MTNAP1: variants seen among roughly 807,000 people sequenced by gnomAD.
MTNAP1 encodes mitochondrial nucleoid-associated protein 1.
chr17:73,241,833 G>A, the MTNAP1 span, among the ~76,000 whole-genome samples: 10 of 152,158 alleles, frequency 6.6e-5, no homozygotes, highest in African/African-American at 2.4e-4. Context: ...GGAGGCTGAG[G>A]CAGGAGAATC....
the MTNAP1 span, chr17:73,242,918 C>CA: frequency 6.2e-7 from 1 of 1,613,832 alleles, no homozygotes; most frequent in Non-Finnish European, 8.5e-7. Flanking sequence ...GCAACACCAC[C>CA]ATAAGGAAGA....
the MTNAP1 span, among the ~76,000 whole-genome samples, chr17:73,241,683 A>C: frequency 2.0e-5 from 3 of 152,100 alleles, no homozygotes; most frequent in African/African-American, 7.2e-5. Flanking sequence ...TAATCCCAGC[A>C]GTTTGGGAGG....
chr17:73,232,444 T>G, the MTNAP1 span: 1 of 979,484 alleles, frequency 1.0e-6, no homozygotes, highest in African/African-American at 1.7e-5. Context: ...AGAAAGGACC[T>G]CCCCTGGGGT....
the MTNAP1 span, among the ~76,000 whole-genome samples, chr17:73,234,663 CAG>C: frequency 8.9e-5 from 11 of 123,884 alleles, no homozygotes; most frequent in Non-Finnish European, 1.4e-4. Flanking sequence ...GGCCTGGTGA[CAG>C]AGTGAGACTC....
the MTNAP1 span, among the ~76,000 whole-genome samples, chr17:73,239,622 G>T: frequency 6.6e-6 from 1 of 150,602 alleles, no homozygotes; most frequent in Non-Finnish European, 1.5e-5. Flanking sequence ...AGGTTCAAGC[G>T]ATTCTCCTGC....
chr17:73,241,112 A>G, the MTNAP1 span, among the ~76,000 whole-genome samples: 2 of 152,236 alleles, frequency 1.3e-5, no homozygotes, highest in African/African-American at 2.4e-5. Context: ...GTCATAAAAC[A>G]TGGAGAAAAC....
the MTNAP1 span, among the ~76,000 whole-genome samples, chr17:73,246,884 T>C: frequency 6.6e-6 from 1 of 152,202 alleles, no homozygotes; most frequent in Non-Finnish European, 1.5e-5. Flanking sequence ...GCCCATTCTC[T>C]GTGAATGCTC....
At chr17:73,238,801 A>C in the MTNAP1 span, among the ~76,000 whole-genome samples, 1 of 152,200 alleles carries the variant, frequency 6.6e-6, no homozygotes, top group Non-Finnish European at 1.5e-5. Context: ...TGTTGCCAAT[A>C]AATAGTAGAG....
chr17:73,242,928 A>G, the MTNAP1 span: 1 of 1,613,948 alleles, frequency 6.2e-7, no homozygotes, highest in Non-Finnish European at 8.5e-7. Context: ...CATAAGGAAG[A>G]GTGGATTCGG....
At chr17:73,235,426 G>A in the MTNAP1 span, 14 of 1,405,874 alleles carry the variant, frequency 1.0e-5, no homozygotes, top group Non-Finnish European at 1.4e-5. Flanking sequence ...GTAAAATATT[G>A]GTATGTACAA....
the MTNAP1 span, chr17:73,236,134 G>A: frequency 6.2e-7 from 1 of 1,614,186 alleles, no homozygotes; most frequent in Non-Finnish European, 8.5e-7. Context: ...GGAACTTCTA[G>A]TAAAATTACT....
At chr17:73,238,418 TTTC>T in the MTNAP1 span, among the ~76,000 whole-genome samples, 1 of 152,300 alleles carries the variant, frequency 6.6e-6, no homozygotes, top group African/African-American at 2.4e-5. Context: ...GGGAAATCAT[TTTC>T]TTCTCTGGTA....
the MTNAP1 span, among the ~76,000 whole-genome samples, chr17:73,235,221 AAAAT>A: frequency 8.5e-5 from 13 of 152,086 alleles, no homozygotes; most frequent in African/African-American, 1.7e-4. Context: ...CTCTGTTTCC[AAAAT>A]AAATAAATAA....
At chr17:73,236,985 A>G in the MTNAP1 span, 1 of 1,566,034 alleles carries the variant, frequency 6.4e-7, no homozygotes, top group Non-Finnish European at 8.6e-7. Flanking sequence ...AGGGGGAAAG[A>G]CTCTCACAAG....
the MTNAP1 span, among the ~76,000 whole-genome samples, chr17:73,233,537 C>G: frequency 1.3e-5 from 2 of 152,120 alleles, no homozygotes; most frequent in African/African-American, 4.8e-5. Context: ...TAGTGTGTAC[C>G]TCCAAAGAAA....
chr17:73,235,898 A>G, the MTNAP1 span: 9 of 1,614,068 alleles, frequency 5.6e-6, no homozygotes, highest in African/African-American at 1.2e-4. Context: ...ACCAAGGCTC[A>G]GTTTTACGCA....
chr17:73,242,162 C>A, the MTNAP1 span: 1 of 850,928 alleles, frequency 1.2e-6, no homozygotes, highest in Non-Finnish European at 1.9e-6. Context: ...TGAGGCTTAG[C>A]CGTGGATCCT....
the MTNAP1 span, chr17:73,236,298 AAAG>A: frequency 6.2e-7 from 1 of 1,614,194 alleles, no homozygotes; most frequent in South Asian, 1.1e-5. Context: ...AGACTCCAGA[AAAG>A]AACACAGAAT....
At chr17:73,248,635 A>C in the MTNAP1 span, 87 of 1,228,962 alleles carry the variant, frequency 7.1e-5, 1 homozygote, top group Non-Finnish European at 9.8e-5. Flanking sequence ...CACCCAGGCT[A>C]CTGTCCATGC....
Sources: gnomAD v4.1 joint callset for allele counts (sites outside exome capture counted in the v4.1 genomes callset) on GRCh38, gnomAD v4.1.1 for gene constraint, MANE v1.5 for transcripts, NCBI Gene and HGNC (gene_info 2026-07-23, HGNC 2026-07-21) for gene names.